The following SCAF11 variants were observed in gnomAD, a reference collection of about 807,000 sequenced individuals.
SCAF11 encodes the protein SR-related CTD associated factor 11.
In SCAF11, 47 loss-of-function variants were observed where a neutral mutation model predicts 140.5. The observed-to-expected ratio is 0.33, with a 90% CI of 0.26 to 0.43. The LOEUF is 0.43. Ranked by LOEUF, SCAF11 falls within the 20% of genes least tolerant of loss-of-function variation. The pLI is 1.00. For missense variants in SCAF11, 1,645 were observed against 1,705.1 expected (o/e 0.96, Z 0.62); for synonymous variants, 557 against 579.4 (o/e 0.96, Z 0.55).
chr12:45,948,126 CCTCA>C (rs1264613531), intron 5 of SCAF11, among the ~76,000 whole-genome samples: 1 of 152,018 alleles, frequency 6.6e-6, no homozygotes, highest in South Asian at 2.1e-4. Flanking sequence ...GGAGGACGGT[CCTCA>C]CTATGTTCCC....
chr12:45,931,195 T>C (rs906945519), intron 10 of SCAF11: 2 of 161,970 alleles, frequency 1.2e-5, no homozygotes, highest in Non-Finnish European at 1.3e-5. Flanking sequence ...CTTATTCACT[T>C]AGCCTAATGT....
chr12:45,991,990 G>T, upstream of SCAF11: 1 of 1,289,126 alleles, frequency 7.8e-7, no homozygotes, highest in Non-Finnish European at 1.0e-6. Flanking sequence ...GCCTGCCCGG[G>T]ATGAGTTTCC....
chr12:45,925,047 T>C lies in SCAF11; in HGVS notation c.3587A>G (p.Gln1196Arg). The change falls in exon 12 of 15, where the codon CAG becomes CGG. Residue 1196 changes from glutamine (Q) to arginine (R), a missense_variant. By Grantham distance (43) the Gln-to-Arg change is conservative. Around this residue, in one of 2 missense-constraint regions of SCAF11, gnomAD observed 1,582 missense variants for 1,609.2 expected, o/e 0.98. Coordinates refer to ENST00000369367, the MANE Select transcript of SCAF11 (RefSeq NM_004719.3). ...QDSSLKDQTNQQVDGSQLPIN... is the reference protein window; with the variant it reads ...QDSSLKDQTNRQVDGSQLPIN... ...AGGTAGCTGAGAACCATCAACTTGC[T>C]GGTTTGTTTGGTCTTTTAGGCTAGA... 6.2e-7 allele frequency: 1 copy of C among 1,613,162 alleles called. No individual in the cohort carries two copies. The highest frequency in any genetic ancestry group is 8.5e-7 in the Non-Finnish European group (1 of 1,179,090).
At chr12:45,953,220 G>A (rs1302850610) in intron 3 of SCAF11, among the ~76,000 whole-genome samples, 1 of 152,126 alleles carries the variant, frequency 6.6e-6, no homozygotes, top group Non-Finnish European at 1.5e-5. Context: ...CCTTAAGAAG[G>A]TTTGCTTCAG....
At chr12:45,958,059 CCTGG>C (rs2136601157) in intron 3 of SCAF11, among the ~76,000 whole-genome samples, 1 of 152,132 alleles carries the variant, frequency 6.6e-6, no homozygotes, top group African/African-American at 2.4e-5. Context: ...CTCCACCATG[CCTGG>C]CTAATTTTTT....
At position 45,926,925 on chromosome 12, in the gene SCAF11, C is replaced by T. The variant is rs754763295; in HGVS notation, c.2776G>A (p.Glu926Lys). ...SDRDGQRRER[E>K]RRTRKWSRSR... ...CTAGACCACTTTCTGGTTCTCCTTT[C>T]TCTCTCTCTCCTCTGCCCATCTCTA... The change falls in exon 11 of 15, where the codon GAA becomes AAA. Residue 926 changes from glutamate (E) to lysine (K), a missense_variant. Glu to Lys is a moderately conservative substitution (Grantham distance 56). Transcript: ENST00000369367. 2 of 1,610,042 alleles carry T rather than the reference C, an allele frequency of 1.2e-6. No individual in the cohort carries two copies. The highest frequency in any genetic ancestry group is 1.7e-6 in the Non-Finnish European group (2 of 1,178,454).
At chr12:45,981,240 C>T (rs1041260171) in intron 1 of SCAF11, among the ~76,000 whole-genome samples, 3 of 152,012 alleles carry the variant, frequency 2.0e-5, no homozygotes, top group African/African-American at 4.8e-5. Context: ...ATGATTTGTT[C>T]GACACCATAA....
chr12:45,982,258 G>A (rs1946365592), intron 1 of SCAF11, among the ~76,000 whole-genome samples: 1 of 152,070 alleles, frequency 6.6e-6, no homozygotes, highest in Non-Finnish European at 1.5e-5. Flanking sequence ...CCTATCTGAA[G>A]GGTTTTCTAT....
intron 6 of SCAF11, among the ~76,000 whole-genome samples, chr12:45,937,104 C>G (rs1592178824): frequency 6.6e-6 from 1 of 151,990 alleles, no homozygotes; most frequent in East Asian, 1.9e-4. Context: ...CACCTGTGCT[C>G]TACTATTACG....
chr12:45,922,948 C>T lies in SCAF11; in HGVS notation c.4113G>A (p.Ser1371=), dbSNP rs776975564. ...ACCTTGAACTTGCCTTGTCTGTCTTCGAGCTATCTGCGCTGGCTTCCACTG... is the reference window on the plus strand; with the variant it reads ...ACCTTGAACTTGCCTTGTCTGTCTTTGAGCTATCTGCGCTGGCTTCCACTG... ...SVAVEASADS[S]KTDKKLQIQE... is the part of the protein sequence containing the mutation. Residue 1371 remains serine (S), a synonymous_variant, in exon 13 of 15, where the codon TCG becomes TCA. Transcript: ENST00000369367. 15 of 1,613,954 alleles carry T rather than the reference C, an allele frequency of 9.3e-6. No individual in the cohort carries two copies. Among genetic ancestry groups the T allele is most frequent in the Middle Eastern group, 3.3e-4 (2 of 6,084 alleles).
intron 1 of SCAF11, among the ~76,000 whole-genome samples, chr12:45,972,987 G>GATAT (rs1183684875): frequency 3.0e-5 from 4 of 132,800 alleles, no homozygotes; most frequent in East Asian, 2.0e-4. Flanking sequence ...TAGATATATA[G>GATAT]ATATAGATAT....
intron 1 of SCAF11, among the ~76,000 whole-genome samples, chr12:45,973,420 A>G (rs1490413302): frequency 1.3e-5 from 2 of 152,120 alleles, no homozygotes; most frequent in Admixed American, 6.6e-5. Flanking sequence ...AAGAAGAAGA[A>G]GAAGAAATAA....
At position 45,928,528 on chromosome 12, in the gene SCAF11, C is replaced by G; in HGVS notation, c.1173G>C (p.Arg391=). 1.2e-6 allele frequency: 2 copies of G among 1,614,072 alleles called. No homozygotes were observed. Among genetic ancestry groups the G allele is most frequent in the Non-Finnish European group, 1.7e-6 (2 of 1,180,010 alleles). The change falls in exon 11 of 15, where the codon CGG becomes CGC. Residue 391 remains arginine, a synonymous_variant. Coordinates refer to ENST00000369367, the MANE Select transcript of SCAF11 (RefSeq NM_004719.3). Reference sequence around the variant, plus strand: ...ATTTTTCAGGGGCAGCTACAGAGCTCCGAAGTTTCTTTTTCAGTAAAGGTG... The same window carrying G: ...ATTTTTCAGGGGCAGCTACAGAGCTGCGAAGTTTCTTTTTCAGTAAAGGTG... The part of the protein sequence containing the change: ...RKPPLLKKKL[R]SSVAAPEKSS...
chr12:45,948,324 T>G (rs1945472652), intron 5 of SCAF11, 113 bp downstream of exon 5: 5 of 674,082 alleles, frequency 7.4e-6, no homozygotes, highest in Non-Finnish European at 1.3e-5. Context: ...TGTGTGCTTT[T>G]GAATAAGTGA....
At chr12:45,954,728 C>T (rs1945638932) in intron 3 of SCAF11, 1 of 143,098 alleles carries the variant, frequency 7.0e-6, no homozygotes, top group Admixed American at 7.0e-5. Context: ...TATCACCGTG[C>T]CTAGCTTTTT....
At chr12:45,964,348 C>A (rs1945892545) in intron 1 of SCAF11, among the ~76,000 whole-genome samples, 160 bp from the exon 2 acceptor site, 1 of 152,152 alleles carries the variant, frequency 6.6e-6, no homozygotes, top group South Asian at 2.1e-4. Flanking sequence ...ATACTCCTTG[C>A]TATCAAAATG....
chr12:45,922,820 T>A, intron 13 of SCAF11, 116 bp downstream of exon 13: 1 of 956,812 alleles, frequency 1.0e-6, no homozygotes, highest in Non-Finnish European at 1.6e-6. Flanking sequence ...CAAATAATAA[T>A]GGCATTTAGA....
rs1369212670 is a variant in SCAF11 at position 45,933,235 on chromosome 12, A to G, written c.633-3T>C. 1.4e-5 allele frequency: 22 copies of G among 1,599,278 alleles called. No individual in the cohort carries two copies. Among genetic ancestry groups the G allele is most frequent in the Non-Finnish European group, 1.9e-5 (22 of 1,170,722 alleles). ...CACTGGCTTCTATAAATTCTGTACT[A>G]AAAGATAAATTTTAGACCTTCATCA... On this transcript the variant is annotated splice_polypyrimidine_tract_variant and splice_region_variant and intron_variant, in intron 8 of 14. Coordinates refer to ENST00000369367, the MANE Select transcript of SCAF11 (RefSeq NM_004719.3).
intron 4 of SCAF11, among the ~76,000 whole-genome samples, chr12:45,949,026 C>G (rs1760940392): frequency 6.6e-6 from 1 of 152,072 alleles, no homozygotes; most frequent in South Asian, 2.1e-4. Flanking sequence ...TGTAAAGGTT[C>G]TTGAATAAGA....
Sources: allele counts gnomAD v4.1 joint callset (sites outside exome capture counted in the v4.1 genomes callset), GRCh38; gene constraint gnomAD v4.1.1; regional missense constraint gnomAD v4.1.1; transcripts MANE v1.5; gene names NCBI Gene and HGNC (gene_info 2026-07-23, HGNC 2026-07-21).